The following BCOR variants were observed in gnomAD, a reference collection of about 807,000 sequenced individuals.
BCOR encodes BCL6 corepressor.
BCOR carries 10 observed loss-of-function variants against 86.7 expected under a neutral mutation model. The ratio of observed to expected loss-of-function variants is 0.12; its 90% CI spans 0.07 to 0.20. The LOEUF is 0.20. Among genes scored for constraint, BCOR ranks in the 10% least tolerant of loss-of-function variants. The pLI is 1.00. For missense variants in BCOR, 1,259 were observed against 1,452.1 expected (o/e 0.87, Z 2.16); for synonymous variants, 611 against 609.0 (o/e 1.00, Z -0.05).
chrX:40,174,342 G>A (rs1245929333), intron 1 of BCOR, among the ~76,000 whole-genome samples: 2 of 111,414 alleles, frequency 1.8e-5, no homozygotes. Flanking sequence ...CACAGCCTCC[G>A]GCCCCTACAA....
intron 1 of BCOR, among the ~76,000 whole-genome samples, chrX:40,162,284 G>C (rs1938438406): frequency 8.9e-6 from 1 of 111,954 alleles, no homozygotes; most frequent in Non-Finnish European, 1.9e-5. Flanking sequence ...GGGGACCTTT[G>C]TGCAGTACAC....
chrX:40,163,083 C>T (rs1416978107), intron 1 of BCOR, among the ~76,000 whole-genome samples: 2 of 111,964 alleles, frequency 1.8e-5, no homozygotes, highest in South Asian at 7.5e-4. Context: ...AATGCATTGA[C>T]TACATTCCTA....
intron 1 of BCOR, among the ~76,000 whole-genome samples, chrX:40,167,073 AT>A (rs1353532439): frequency 9.0e-6 from 1 of 111,593 alleles, no homozygotes; most frequent in Non-Finnish European, 1.9e-5. Flanking sequence ...TCTCCAAAAT[AT>A]CCTCCCAAGA....
intron 1 of BCOR, among the ~76,000 whole-genome samples, chrX:40,135,648 C>T (rs1028692659): frequency 2.7e-5 from 3 of 111,346 alleles, no homozygotes; most frequent in African/African-American, 6.5e-5. Context: ...CCTCGGCCTC[C>T]GAAAGTACTG....
At chrX:40,156,133 G>A (rs1938288574) in intron 1 of BCOR, among the ~76,000 whole-genome samples, 1 of 113,083 alleles carries the variant, frequency 8.8e-6, no homozygotes, top group Non-Finnish European at 1.9e-5. Context: ...TGGCTGGCAG[G>A]AAATTAATAT....
chrX:40,072,155 T>TTA (rs1363220373), intron 4 of BCOR, 194 bp downstream of exon 4: 1 of 457,015 alleles, frequency 2.2e-6, no homozygotes, highest in African/African-American at 2.4e-5. Context: ...ACAGAATAAC[T>TTA]TAAAGCATCC....
intron 1 of BCOR, among the ~76,000 whole-genome samples, chrX:40,107,157 T>A (rs780327830): frequency 1.8e-5 from 2 of 112,337 alleles, no homozygotes; most frequent in African/African-American, 6.5e-5. Context: ...TGTTGGAATC[T>A]GTCACCCCCA....
In BCOR at chrX:40,174,495, C is replaced by G. The variant is rs184896337; in HGVS notation, c.-41+2512G>C. Among the ~76,000 whole-genome samples, 26 of 112,801 alleles carry G rather than the reference C, an allele frequency of 2.3e-4. No individual in the cohort carries two copies. In the East Asian group the frequency reaches 7.2e-3, roughly 31 times the overall value. On this transcript the variant is annotated intron_variant, in intron 1 of 14. Coordinates refer to the BCOR transcript ENST00000342274. ...AGAGCCCGAGGGCGGCGGCAGCACA[C>G]GTCTGGGCAGCCCCCTCCCCGTACC...
At chrX:40,105,651 G>A (rs935059151) in intron 1 of BCOR, among the ~76,000 whole-genome samples, 3 of 112,986 alleles carry the variant, frequency 2.7e-5, no homozygotes, top group Non-Finnish European at 5.6e-5. Context: ...CCCAGGCCCT[G>A]CAGCTGGGCG....
upstream of BCOR, among the ~76,000 whole-genome samples, chrX:40,098,446 C>T (rs1275611707): frequency 1.8e-5 from 2 of 111,463 alleles, no homozygotes; most frequent in Middle Eastern, 4.7e-3. Context: ...GCGAGGGCTG[C>T]CGGCAGAGCC....
At chrX:40,065,338 A>T (rs191931648) in intron 6 of BCOR, among the ~76,000 whole-genome samples, 1 of 113,129 alleles carries the variant, frequency 8.8e-6, no homozygotes, top group Admixed American at 9.2e-5. Flanking sequence ...CTGGATGCAC[A>T]GATGTGAAAC....
Position 40,153,931 on chromosome X carries a change from T to C in BCOR, c.-41+23076A>G, listed in dbSNP as rs1314792208. ...AGGGGGTGCGAGGGCTGCCGCGCCG[T>C]GGGGGGCAGGGGGCGGGGACGCAGC... On this transcript the variant is annotated intron_variant, in intron 1 of 14. Transcript: ENST00000342274. 3.2e-5 allele frequency among the ~76,000 whole-genome samples: 3 copies of C among 93,014 alleles called. No individual in the cohort carries two copies. The Admixed American group carries it at 3.3e-4, about 10-fold the overall frequency. The allele number at this position is 93,014 out of a possible 115,157, so 80.8% of individuals were successfully genotyped here.
At chrX:40,098,146 C>G (rs968303929), upstream of BCOR, among the ~76,000 whole-genome samples, 1 of 107,110 alleles carries the variant, frequency 9.3e-6, no homozygotes, top group Non-Finnish European at 1.9e-5. Context: ...CCAGCTCTCG[C>G]AAGTTTGAGC....
chrX:40,138,140 C>T (rs972299823), intron 1 of BCOR, among the ~76,000 whole-genome samples: 3 of 111,647 alleles, frequency 2.7e-5, no homozygotes, highest in African/African-American at 6.5e-5. Context: ...TTAGTAGAGA[C>T]GGGGTTTCTC....
intron 2 of BCOR, chrX:40,076,796 G>A: frequency 3.0e-6 from 1 of 332,522 alleles, no homozygotes; most frequent in Non-Finnish European, 5.6e-6. Flanking sequence ...AGGTAAGCCA[G>A]AAATTAAGCA....
intron 1 of BCOR, among the ~76,000 whole-genome samples, chrX:40,119,302 T>C (rs1258930945): frequency 2.8e-5 from 3 of 107,272 alleles, no homozygotes; most frequent in Non-Finnish European, 3.9e-5. Flanking sequence ...TCTCACTCTG[T>C]CACCTAGGCT....
intron 1 of BCOR, among the ~76,000 whole-genome samples, chrX:40,113,160 C>G (rs1330590218): frequency 1.9e-5 from 2 of 106,096 alleles, no homozygotes; most frequent in Non-Finnish European, 3.8e-5. Flanking sequence ...CCACCCGCAA[C>G]GTGGCAGCTA....
At chrX:40,129,387 G>A (rs776538746) in intron 1 of BCOR, among the ~76,000 whole-genome samples, 75 of 110,845 alleles carry the variant, frequency 6.8e-4, no homozygotes, top group African/African-American at 2.4e-3. Flanking sequence ...GGGAGGCTGA[G>A]GCAGGAGGAT....
At chrX:40,111,663 A>G (rs1478972161) in intron 1 of BCOR, among the ~76,000 whole-genome samples, 2 of 112,387 alleles carry the variant, frequency 1.8e-5, no homozygotes, top group East Asian at 5.5e-4. Flanking sequence ...AGTGTGTACC[A>G]TCTGCTACAG....
Sources: gnomAD v4.1 joint callset for allele counts (sites outside exome capture counted in the v4.1 genomes callset) on GRCh38, gnomAD v4.1.1 for gene constraint, MANE v1.5 for transcripts, NCBI Gene and HGNC (gene_info 2026-07-23, HGNC 2026-07-21) for gene names.